The following CUL4A variants were observed in gnomAD, a reference collection of about 807,000 sequenced individuals.
CUL4A encodes cullin 4A.
CUL4A carries 16 observed loss-of-function variants against 95.5 expected under a neutral mutation model. That is an observed-to-expected ratio of 0.17 (90% confidence interval 0.11 to 0.25). The LOEUF (loss-of-function observed/expected upper bound fraction) is 0.25. Ranked by LOEUF, CUL4A falls within the 10% of genes least tolerant of loss-of-function variation. CUL4A has a pLI of 1.00. For missense variants in CUL4A, 610 were observed against 937.0 expected (o/e 0.65, Z 4.56); for synonymous variants, 380 against 353.1 (o/e 1.08, Z -0.85).
intron 2 of CUL4A, among the ~76,000 whole-genome samples, chr13:113,210,314 T>C (rs1475745514): frequency 6.6e-6 from 1 of 152,232 alleles, no homozygotes; most frequent in African/African-American, 2.4e-5. Context: ...TATTTAAAGT[T>C]ATCCCATTAC....
chr13:113,220,513 C>T (rs748600513), intron 3 of CUL4A, among the ~76,000 whole-genome samples: 2 of 152,226 alleles, frequency 1.3e-5, no homozygotes, highest in Non-Finnish European at 2.9e-5. Context: ...TTCCAGGAAC[C>T]TACGTTCCAG....
intron 5 of CUL4A, among the ~76,000 whole-genome samples, chr13:113,232,122 A>ACTG (rs1314722944): frequency 1.4e-5 from 2 of 142,708 alleles, no homozygotes; most frequent in African/African-American, 5.9e-5. Context: ...CACCACCATT[A>ACTG]CTGTCACCAC....
intron 3 of CUL4A, among the ~76,000 whole-genome samples, chr13:113,222,568 C>T (rs1442760072): frequency 6.6e-6 from 1 of 152,072 alleles, no homozygotes; most frequent in Non-Finnish European, 1.5e-5. Context: ...GTAGAGATGC[C>T]TGTTGTGCAT....
intron 15 of CUL4A, among the ~76,000 whole-genome samples, chr13:113,246,275 C>A (rs768385702): frequency 6.6e-6 from 1 of 152,240 alleles, no homozygotes; most frequent in Non-Finnish European, 1.5e-5. Context: ...CTGTGTCCAC[C>A]TGCTGACCTG....
intron 15 of CUL4A, among the ~76,000 whole-genome samples, chr13:113,251,987 G>C (rs1218844214): frequency 6.6e-6 from 1 of 152,176 alleles, no homozygotes; most frequent in Non-Finnish European, 1.5e-5. Context: ...TGCGTGCGCA[G>C]CACAGACGTG....
Position 113,230,764 on chromosome 13 carries a change from A to ATTG in CUL4A, c.512+1247_512+1248insGTT, listed in dbSNP as rs1487904221. ...ATAGTCTAAATGCTTTTCAAAAATTATTATTATTATTATTATTATTTTTAG... is the reference window on the plus strand; with the variant it reads ...ATAGTCTAAATGCTTTTCAAAAATTATTGTTATTATTATTATTATTATTTTTAG... On this transcript the variant is annotated intron_variant, in intron 5 of 19. Transcript: ENST00000375440. 1.2e-4 allele frequency among the ~76,000 whole-genome samples: 17 copies of ATTG among 142,278 alleles called. 1 individual carries two copies. In the East Asian group the frequency reaches 3.4e-3, roughly 28 times the overall value. 93.3% of individuals were successfully genotyped at this position (142,278 alleles called of 152,430 possible). A position where few individuals can be genotyped will look rare whatever the true frequency, so the allele number is the denominator to read the frequency against.
chr13:113,245,071 G>C lies in CUL4A; in HGVS notation c.1444+12G>C, dbSNP rs779563952. On this transcript the variant is annotated intron_variant, in intron 13 of 19. Transcript: ENST00000375440. ...AAAGCTCAAGCATGGTAAGTATGTG[G>C]GGCCTGGGCTCCTCCCCTGTAACTG... is the stretch of plus-strand genomic sequence containing the variant. 2.0e-5 allele frequency: 33 copies of C among 1,611,648 alleles called. No individual in the cohort carries two copies. The South Asian group carries it at 3.2e-4, about 16-fold the overall frequency.
upstream of CUL4A, among the ~76,000 whole-genome samples, chr13:113,209,327 C>A (rs890581963): frequency 2.8e-5 from 4 of 144,944 alleles, no homozygotes; most frequent in African/African-American, 1.0e-4. Flanking sequence ...CGGTGCGCCC[C>A]CCGGAGCCGG....
At chr13:113,225,222 C>T (rs1203374367) in intron 3 of CUL4A, among the ~76,000 whole-genome samples, 5 of 152,068 alleles carry the variant, frequency 3.3e-5, no homozygotes, top group East Asian at 1.9e-4. Flanking sequence ...GAACCTATCT[C>T]GAGAATACAC....
At chr13:113,224,211 GGC>G (rs1395880339) in intron 3 of CUL4A, among the ~76,000 whole-genome samples, 1 of 152,112 alleles carries the variant, frequency 6.6e-6, no homozygotes, top group African/African-American at 2.4e-5. Flanking sequence ...AAATTAGCCG[GGC>G]GTGGTGGCGG....
intron 4 of CUL4A, 57 bp from the exon 5 acceptor site, chr13:113,229,389 C>CT: frequency 6.8e-7 from 1 of 1,474,248 alleles, no homozygotes; most frequent in South Asian, 1.2e-5. Flanking sequence ...AAGGCCTGAT[C>CT]TTTCATATTT....
intron 5 of CUL4A, among the ~76,000 whole-genome samples, chr13:113,231,447 G>A (rs553898180): frequency 7.3e-4 from 111 of 152,300 alleles, no homozygotes; most frequent in Non-Finnish European, 1.3e-3. Context: ...TGTGGGGAGT[G>A]GGAGGTGGGG....
intron 5 of CUL4A, among the ~76,000 whole-genome samples, chr13:113,232,777 G>GTA (rs749225289): frequency 1.2e-4 from 19 of 152,294 alleles, no homozygotes; most frequent in South Asian, 4.1e-4. Context: ...GGAAGAGAGT[G>GTA]TACCCTGAGG....
chr13:113,238,376 A>G (rs990253294), intron 9 of CUL4A, among the ~76,000 whole-genome samples: 2 of 152,042 alleles, frequency 1.3e-5, no homozygotes, highest in Non-Finnish European at 2.9e-5. Context: ...ACTTTGGCCC[A>G]GGGGGTTAAG....
rs768692069 is a variant in CUL4A, at chr13:113,229,414, A to G, written c.439-32A>G. ...CTTTCATATTTTGCTAGTAGAATTC[A>G]TAAGTAAATGGTTCTCCTTTCTGCT... On this transcript the variant is annotated intron_variant, in intron 4 of 19. Transcript: ENST00000375440. 20 of 1,598,418 alleles carry G rather than the reference A, an allele frequency of 1.3e-5. No individual in the cohort carries two copies. In the East Asian group the frequency reaches 2.7e-4, roughly 21 times the overall value.
chr13:113,209,537 A>ACGGGGCGGAGGCCGCG (rs1159812075), upstream of CUL4A: 1 of 710,910 alleles, frequency 1.4e-6, no homozygotes, highest in East Asian at 1.6e-4. Flanking sequence ...CGCGAGGAGG[A>ACGGGGCGGAGGCCGCG]CGGGGCGGAG....
chr13:113,208,702 C>T, upstream of CUL4A: 1 of 1,542,692 alleles, frequency 6.5e-7, no homozygotes, highest in Non-Finnish European at 8.7e-7. Flanking sequence ...TCACTTCCGG[C>T]CCTCGGTCCG....
intron 3 of CUL4A, among the ~76,000 whole-genome samples, chr13:113,220,171 C>T (rs1349787439): frequency 6.6e-6 from 1 of 152,206 alleles, no homozygotes; most frequent in Non-Finnish European, 1.5e-5. Context: ...GAAGGGTCCT[C>T]AGGGAATCTG....
rs2042007103 is a variant in CUL4A at position 113,252,027 on chromosome 13, A to G, written c.1639-1055A>G. 3.3e-5 allele frequency among the ~76,000 whole-genome samples: 5 copies of G among 152,114 alleles called. No individual in the cohort carries two copies. In the South Asian group the frequency reaches 1.0e-3, roughly 32 times the overall value. The stretch of plus-strand genomic sequence containing the variant: ...AGATCCCGGGTGCAGTGGACACCAG[A>G]CAGGATCAAGCTGAAGAGTGGAGGG... On this transcript the variant is annotated intron_variant, in intron 15 of 19. Coordinates refer to ENST00000375440, the MANE Select transcript of CUL4A (RefSeq NM_001008895.4).
Sources: allele counts gnomAD v4.1 joint callset (sites outside exome capture counted in the v4.1 genomes callset), GRCh38; gene constraint gnomAD v4.1.1; transcripts MANE v1.5; gene names NCBI Gene and HGNC (gene_info 2026-07-23, HGNC 2026-07-21).